Variants in TNC observed in about 807,000 individuals in gnomAD.
TNC encodes the protein tenascin.
TNC carries 109 observed loss-of-function variants against 202.4 expected under a neutral mutation model. The ratio of observed to expected loss-of-function variants is 0.54; its 90% CI spans 0.46 to 0.63. The LOEUF is 0.63. TNC is among the 30% of genes least tolerant of loss of function. The pLI, the probability that TNC is intolerant of heterozygous loss-of-function variation, is 0.00. For synonymous variants in TNC, 1,007 were observed against 1,089.7 expected (o/e 0.92, Z 1.50); for missense variants, 2,756 against 2,833.3 (o/e 0.97, Z 0.62).
At chr9:115,025,270 G>A (rs1264481679) in intron 26 of TNC, among the ~76,000 whole-genome samples, 5 of 152,144 alleles carry the variant, frequency 3.3e-5, no homozygotes, top group South Asian at 2.1e-4. Flanking sequence ...GTAATAAAAT[G>A]CCAACATTCT....
chr9:115,056,905 A>AT (rs1465581381), intron 15 of TNC, among the ~76,000 whole-genome samples: 3 of 152,328 alleles, frequency 2.0e-5, no homozygotes, highest in Admixed American at 2.0e-4. Context: ...CATATGGCAA[A>AT]TTAGACTGAA....
At chr9:115,094,474 C>G (rs1835464124) in intron 1 of TNC, among the ~76,000 whole-genome samples, 1 of 152,100 alleles carries the variant, frequency 6.6e-6, no homozygotes, top group South Asian at 2.1e-4. Flanking sequence ...TTTTAAGTCT[C>G]CTTTGTGGAT....
At chr9:115,095,154 A>C (rs561877358) in intron 1 of TNC, among the ~76,000 whole-genome samples, 1 of 152,076 alleles carries the variant, frequency 6.6e-6, no homozygotes, top group African/African-American at 2.4e-5. Flanking sequence ...GTCATCAATA[A>C]ATGTGTTAAG....
intron 4 of TNC, among the ~76,000 whole-genome samples, chr9:115,083,962 A>G (rs555991324): frequency 1.6e-4 from 24 of 152,338 alleles, no homozygotes; most frequent in African/African-American, 5.3e-4. Flanking sequence ...GATACACAGT[A>G]AACACTTGCT....
At chr9:115,080,369 T>C (rs946067572) in intron 6 of TNC, among the ~76,000 whole-genome samples, 1 of 151,980 alleles carries the variant, frequency 6.6e-6, no homozygotes, top group Non-Finnish European at 1.5e-5. Flanking sequence ...CACAGAGAGG[T>C]GGTGTCAGGA....
Position 115,038,286 on chromosome 9 carries a change from A to G in TNC, c.5487T>C (p.Tyr1829=), listed in dbSNP as rs1588026843. The G allele has an allele frequency of 4.3e-6, 7 of 1,614,050 alleles. No homozygotes were observed. The East Asian group carries it at 1.3e-4, about 31-fold the overall frequency. ...WQPAIATVDS[Y]VISYTGEKVP... ...CTTTCTCGCCTGTGTAGGAGATGAC[A>G]TAACTGTCCACAGTGGCAATGGCTG... Residue 1829 remains tyrosine (Y), a synonymous_variant, in exon 20 of 28, where the codon TAT becomes TAC. Coordinates refer to ENST00000350763, the MANE Select transcript of TNC (RefSeq NM_002160.4).
At chr9:115,037,383 C>T (rs984490080) in intron 20 of TNC, among the ~76,000 whole-genome samples, 3 of 152,204 alleles carry the variant, frequency 2.0e-5, no homozygotes, top group African/African-American at 4.8e-5. Flanking sequence ...CTCTCTTTCT[C>T]CAGTCTCTTA....
intron 1 of TNC, among the ~76,000 whole-genome samples, chr9:115,110,181 A>G (rs1836932885): frequency 6.6e-6 from 1 of 152,234 alleles, no homozygotes; most frequent in South Asian, 2.1e-4. Flanking sequence ...AAAAAAGGAT[A>G]TTCTAGGCAC....
chr9:115,075,909 A>C, intron 9 of TNC, 123 bp downstream of exon 9: 1 of 778,424 alleles, frequency 1.3e-6, no homozygotes, highest in Non-Finnish European at 2.2e-6. Flanking sequence ...GCTAGATGGT[A>C]CTACAGGGCC....
chr9:115,110,785 C>CCT (rs1836981427), intron 1 of TNC, among the ~76,000 whole-genome samples: 1 of 151,992 alleles, frequency 6.6e-6, no homozygotes, highest in Non-Finnish European at 1.5e-5. Flanking sequence ...TATGGCTAAC[C>CCT]AATGAGTTAA....
intron 6 of TNC, among the ~76,000 whole-genome samples, chr9:115,081,477 C>G (rs1834299603): frequency 6.6e-6 from 1 of 152,126 alleles, no homozygotes; most frequent in Admixed American, 6.5e-5. Context: ...GAATGAGAGG[C>G]TCTGCGAAAC....
chr9:115,029,338 T>C lies in TNC; in HGVS notation c.6169+22A>G, dbSNP rs12346540. 402,423 of 1,609,128 alleles carry C rather than the reference T, an allele frequency of 0.25. 53,368 individuals carry two copies. The highest frequency in any genetic ancestry group is 0.28 in the Non-Finnish European group (327,116 of 1,175,596). ...AGGGCAGAATCAGGCATTTTAGATA[T>C]AAACATGCAGGGCTGCATTACCAAG... is the stretch of plus-strand genomic sequence containing the variant. On this transcript the variant is annotated intron_variant, in intron 25 of 27. Transcript: ENST00000350763.
At chr9:115,117,587 C>T (rs899637998) in intron 1 of TNC, among the ~76,000 whole-genome samples, 2 of 152,194 alleles carry the variant, frequency 1.3e-5, no homozygotes, top group Non-Finnish European at 2.9e-5. Flanking sequence ...CTAACCCATC[C>T]CAGGGGCAGG....
chr9:115,101,581 G>A (rs1291218326), intron 1 of TNC, among the ~76,000 whole-genome samples: 1 of 152,172 alleles, frequency 6.6e-6, no homozygotes, highest in Non-Finnish European at 1.5e-5. Flanking sequence ...ACTGCAGGTT[G>A]GGAACATGGT....
chr9:115,062,022 C>T (rs1483126151), intron 13 of TNC, among the ~76,000 whole-genome samples: 1 of 152,138 alleles, frequency 6.6e-6, no homozygotes, highest in Admixed American at 6.5e-5. Context: ...AGAGATCTGC[C>T]TATCAGGTGG....
At chr9:115,068,990 T>C (rs1203504819) in intron 10 of TNC, among the ~76,000 whole-genome samples, 1 of 152,210 alleles carries the variant, frequency 6.6e-6, no homozygotes. Flanking sequence ...GTTCTCTCTC[T>C]TATAGCAACG....
At chr9:115,058,170 T>C (rs990930434) in intron 14 of TNC, among the ~76,000 whole-genome samples, 1 of 152,172 alleles carries the variant, frequency 6.6e-6, no homozygotes, top group Non-Finnish European at 1.5e-5. Flanking sequence ...AGCGAAGAAA[T>C]AACATTTTGT....
chr9:115,023,211 A>G (rs117337237), intron 27 of TNC, among the ~76,000 whole-genome samples: 2 of 152,186 alleles, frequency 1.3e-5, no homozygotes, highest in East Asian at 3.9e-4. Flanking sequence ...GTGTGGCCCC[A>G]AGGGAAGATC....
At chr9:115,033,501 C>G (rs751192203) in intron 22 of TNC, among the ~76,000 whole-genome samples, 7 of 152,098 alleles carry the variant, frequency 4.6e-5, no homozygotes, top group Non-Finnish European at 8.8e-5. Context: ...TCCTAGAATG[C>G]CTGACAAGGA....
Sources: gnomAD v4.1 joint callset for allele counts (sites outside exome capture counted in the v4.1 genomes callset) on GRCh38, gnomAD v4.1.1 for gene constraint, MANE v1.5 for transcripts, NCBI Gene and HGNC (gene_info 2026-07-23, HGNC 2026-07-21) for gene names.